The following NKAIN3 variants were observed in gnomAD, a reference collection of about 807,000 sequenced individuals.
NKAIN3 encodes the protein sodium/potassium transporting ATPase interacting 3, also known as sodium/potassium-transporting ATPase subunit beta-1-interacting protein 3.
Under a neutral mutation model 30.2 loss-of-function variants are expected in NKAIN3, and 25 were observed. The ratio of observed to expected loss-of-function variants is 0.83; its 90% CI spans 0.60 to 1.16. The LOEUF is 1.16. Ranked by LOEUF, NKAIN3 falls within the 50% of genes most tolerant of loss-of-function variation. The pLI is 0.00. For synonymous variants in NKAIN3, 91 were observed against 89.6 expected (o/e 1.02, Z -0.09); for missense variants, 225 against 254.1 (o/e 0.89, Z 0.78).
intron 1 of NKAIN3, among the ~76,000 whole-genome samples, chr8:62,421,606 CTCTCTCTCTCTCTT>C (rs377332728): frequency 1.8e-3 from 266 of 151,448 alleles, no homozygotes; most frequent in African/African-American, 6.1e-3. Flanking sequence ...CAATTGGAGT[CTCTCTCTCTCTCTT>C]TCTCTCTCTC....
chr8:62,876,481 A>G (rs1820795851), intron 4 of NKAIN3, among the ~76,000 whole-genome samples: 3 of 152,246 alleles, frequency 2.0e-5, no homozygotes. Flanking sequence ...CCAAAGTAAT[A>G]TAAGTCATTC....
intron 4 of NKAIN3, among the ~76,000 whole-genome samples, chr8:62,787,017 G>A (rs905887282): frequency 1.3e-5 from 2 of 151,148 alleles, no homozygotes; most frequent in African/African-American, 4.9e-5. Context: ...GTTGAGTACA[G>A]GGATCAATCC....
rs1815316775 is a variant in NKAIN3, at chr8:62,330,790, A to G, written c.54+81663A>G. Among the ~76,000 whole-genome samples the G allele has an allele frequency of 2.0e-5, 3 of 151,812 alleles. No individual in the cohort carries two copies. In the South Asian group the frequency reaches 6.2e-4, roughly 32 times the overall value. On this transcript the variant is annotated intron_variant, in intron 1 of 6. Transcript: ENST00000623646. Reference sequence around the variant, plus strand: ...GCCACCTCTTCCCTCAATTTTTGTAATGGTTCCTAACAGTTTCACTCCTAG... The same window carrying G: ...GCCACCTCTTCCCTCAATTTTTGTAGTGGTTCCTAACAGTTTCACTCCTAG...
intron 1 of NKAIN3, among the ~76,000 whole-genome samples, chr8:62,500,423 AG>A (rs1242625203): frequency 1.5e-5 from 2 of 134,782 alleles, no homozygotes; most frequent in South Asian, 2.6e-4. Context: ...GAAGGAAGAA[AG>A]GAAAGAAAGA....
At chr8:62,666,292 T>C (rs1049017845) in intron 3 of NKAIN3, among the ~76,000 whole-genome samples, 1 of 152,192 alleles carries the variant, frequency 6.6e-6, no homozygotes, top group African/African-American at 2.4e-5. Flanking sequence ...ATACACACAG[T>C]AAATATATGT....
chr8:62,552,078 A>G (rs1809233653), intron 1 of NKAIN3, among the ~76,000 whole-genome samples: 1 of 152,210 alleles, frequency 6.6e-6, no homozygotes, highest in South Asian at 2.1e-4. Flanking sequence ...TCTTCTGTAT[A>G]TTGCGGTGCA....
chr8:62,558,451 G>A (rs992664667), intron 1 of NKAIN3, among the ~76,000 whole-genome samples: 1 of 151,988 alleles, frequency 6.6e-6, no homozygotes, highest in Non-Finnish European at 1.5e-5. Flanking sequence ...GAAGAATGAT[G>A]GTAGTATTTT....
intron 4 of NKAIN3, among the ~76,000 whole-genome samples, chr8:62,866,666 A>G (rs1820424151): frequency 6.6e-6 from 1 of 152,178 alleles, no homozygotes. Flanking sequence ...ACATTTATCC[A>G]TATGCCTTTG....
chr8:62,400,714 T>C (rs1039684330), intron 1 of NKAIN3, among the ~76,000 whole-genome samples: 12 of 148,862 alleles, frequency 8.1e-5, no homozygotes, highest in Non-Finnish European at 1.8e-4. Context: ...TTTTTTTTTC[T>C]TTTGACACTT....
Position 62,249,136 on chromosome 8 carries a change from C to T in NKAIN3, c.54+9C>T. On this transcript the variant is annotated intron_variant, in intron 1 of 6. Coordinates refer to ENST00000623646, the MANE Select transcript of NKAIN3 (RefSeq NM_001304533.3). ...TCTGCGCGCTGCAGTTGGTGAGTGCCCCGAGGGCCCCTGCCCCAGGACAGG... is the reference window on the plus strand; with the variant it reads ...TCTGCGCGCTGCAGTTGGTGAGTGCTCCGAGGGCCCCTGCCCCAGGACAGG... The T allele has an allele frequency of 6.5e-7, 1 of 1,532,224 alleles. No homozygotes were observed. Among genetic ancestry groups the T allele is most frequent in the Non-Finnish European group, 8.8e-7 (1 of 1,141,580 alleles). The allele number at this position is 1,532,224 out of a possible 1,614,324, so 94.9% of individuals were successfully genotyped here.
chr8:62,941,991 T>C lies in NKAIN3; in HGVS notation c.533-11911T>C, dbSNP rs554953119. Among the ~76,000 whole-genome samples, 3 of 151,988 alleles carry C rather than the reference T, an allele frequency of 2.0e-5. No individual in the cohort carries two copies. The South Asian group carries it at 6.2e-4, about 32-fold the overall frequency. On this transcript the variant is annotated intron_variant, in intron 5 of 6. Coordinates refer to ENST00000623646, the MANE Select transcript of NKAIN3 (RefSeq NM_001304533.3). Reference sequence around the variant, plus strand: ...TCAAACTGTCACTGTTTACCATTGATATGATCATATACCTAGAAAAGCCTA... The same window carrying C: ...TCAAACTGTCACTGTTTACCATTGACATGATCATATACCTAGAAAAGCCTA...
chr8:62,323,182 T>C (rs1211146523), intron 1 of NKAIN3, among the ~76,000 whole-genome samples: 1 of 152,194 alleles, frequency 6.6e-6, no homozygotes, highest in Non-Finnish European at 1.5e-5. Flanking sequence ...GCCTTGGTAT[T>C]TACCCCAATT....
At chr8:62,887,917 T>C (rs1821195095) in intron 4 of NKAIN3, among the ~76,000 whole-genome samples, 1 of 152,172 alleles carries the variant, frequency 6.6e-6, no homozygotes, top group Non-Finnish European at 1.5e-5. Flanking sequence ...AACTAAGAAG[T>C]TTGAAGTTCT....
chr8:62,370,253 C>T (rs1816866342), intron 1 of NKAIN3, among the ~76,000 whole-genome samples: 1 of 151,924 alleles, frequency 6.6e-6, no homozygotes, highest in South Asian at 2.1e-4. Flanking sequence ...ATAATTTCTT[C>T]CTGGCCACAT....
intron 3 of NKAIN3, among the ~76,000 whole-genome samples, chr8:62,603,907 T>A (rs939057209): frequency 1.3e-5 from 2 of 151,778 alleles, no homozygotes; most frequent in Non-Finnish European, 1.5e-5. Flanking sequence ...CTGAGAGAGG[T>A]GGAAAGAGAG....
intron 4 of NKAIN3, among the ~76,000 whole-genome samples, chr8:62,839,487 T>C (rs1376246149): frequency 6.6e-6 from 1 of 152,158 alleles, no homozygotes; most frequent in East Asian, 1.9e-4. Context: ...TAAAAGGAAG[T>C]AAATCTGTTG....
At position 62,919,227 on chromosome 8, in the gene NKAIN3, ATTTTTTTTTTTTTTTTTTTTTTTT is replaced by A. The variant is rs71255371; in HGVS notation, c.532+726_532+749del. Among the ~76,000 whole-genome samples, 627 of 47,346 alleles carry A rather than the reference ATTTTTTTTTTTTTTTTTTTTTTTT, an allele frequency of 0.013. 68 individuals carry two copies. In the East Asian group the frequency reaches 0.17, roughly 13 times the overall value. The allele number at this position is 47,346 out of a possible 152,430, so 31.1% of individuals were successfully genotyped here. On this transcript the variant is annotated intron_variant, in intron 5 of 6. Coordinates refer to ENST00000623646, the MANE Select transcript of NKAIN3 (RefSeq NM_001304533.3). ...TCACTTTTTTTTATTTACTTTCAAAATTTTTTTTTTTTTTTTTTTTTTTTTTTTTTTTTTTGAGACGGAGTCTCC... is the reference window on the plus strand; with the variant it reads ...TCACTTTTTTTTATTTACTTTCAAAATTTTTTTTTTTGAGACGGAGTCTCC...
chr8:62,303,716 A>C (rs1814130800), intron 1 of NKAIN3, among the ~76,000 whole-genome samples: 1 of 150,644 alleles, frequency 6.6e-6, no homozygotes, highest in Non-Finnish European at 1.5e-5. Flanking sequence ...ATTCCAAGTC[A>C]AATTGTTGAG....
intron 1 of NKAIN3, among the ~76,000 whole-genome samples, chr8:62,502,434 C>T (rs117199482): frequency 0.015 from 2,336 of 152,226 alleles, 29 homozygotes; most frequent in Non-Finnish European, 0.024. Flanking sequence ...GCCCCTTTCC[C>T]AGCCCTCACA....
Sources: allele counts gnomAD v4.1 joint callset (sites outside exome capture counted in the v4.1 genomes callset), GRCh38; gene constraint gnomAD v4.1.1; transcripts MANE v1.5; gene names NCBI Gene and HGNC (gene_info 2026-07-23, HGNC 2026-07-21).